DSCAML1: variants seen among roughly 807,000 people sequenced by gnomAD.
The protein encoded by DSCAML1 is cell adhesion molecule DSCAML1.
A neutral mutation model predicts 200.5 loss-of-function variants in DSCAML1; 38 were observed. The observed-to-expected ratio is 0.19, with a 90% CI of 0.15 to 0.25. The LOEUF is 0.25. Ranked by LOEUF, DSCAML1 falls within the 10% of genes least tolerant of loss-of-function variation. The pLI, the probability that DSCAML1 is intolerant of heterozygous loss-of-function variation, is 1.00. For missense variants in DSCAML1, 2,223 were observed against 2,858.8 expected, an observed-to-expected ratio of 0.78 and a Z score of 5.07; for synonymous variants, 1,215 against 1,165.0, an observed-to-expected ratio of 1.04 and a Z score of -0.87.
At chr11:117,442,987 G>C (rs1325667822) in intron 21 of DSCAML1, among the ~76,000 whole-genome samples, 1 of 152,234 alleles carries the variant, frequency 6.6e-6, no homozygotes, top group Non-Finnish European at 1.5e-5. Context: ...GATGCTGGCT[G>C]GCTCTGAGCC....
chr11:117,512,671 CACACACACACACACAT>C (rs145585146), intron 8 of DSCAML1, among the ~76,000 whole-genome samples: 8,998 of 94,480 alleles, frequency 0.095, 309 homozygotes, highest in Middle Eastern at 0.12. Flanking sequence ...CACACACACA[CACACACACACACACAT>C]GCCTGCTATG....
intron 3 of DSCAML1, among the ~76,000 whole-genome samples, chr11:117,694,084 T>C (rs866771747): frequency 7.6e-6 from 1 of 131,972 alleles, no homozygotes. Context: ...TATATACACA[T>C]ATATATATAT....
At chr11:117,461,243 T>C (rs2048477075) in intron 18 of DSCAML1, among the ~76,000 whole-genome samples, 1 of 151,216 alleles carries the variant, frequency 6.6e-6, no homozygotes, top group Non-Finnish European at 1.5e-5. Flanking sequence ...ACGGAGGTGT[T>C]CAAGTGAATC....
chr11:117,474,091 T>C (rs1200277891), intron 14 of DSCAML1, among the ~76,000 whole-genome samples: 1 of 152,112 alleles, frequency 6.6e-6, no homozygotes, highest in Non-Finnish European at 1.5e-5. Context: ...GCACTAATAT[T>C]TACCAAGCAC....
At chr11:117,737,356 C>T (rs528848684) in intron 3 of DSCAML1, among the ~76,000 whole-genome samples, 14 of 152,304 alleles carry the variant, frequency 9.2e-5, no homozygotes, top group African/African-American at 3.1e-4. Context: ...TCTGATGTTC[C>T]CAGTGGACTT....
intron 20 of DSCAML1, 116 bp downstream of exon 20, chr11:117,450,433 C>A: frequency 1.4e-6 from 2 of 1,411,790 alleles, no homozygotes; most frequent in Non-Finnish European, 1.9e-6. Flanking sequence ...ATCTATGAAT[C>A]CAGGCAGAAG....
chr11:117,712,788 C>T (rs1348231684), intron 3 of DSCAML1, among the ~76,000 whole-genome samples: 1 of 152,050 alleles, frequency 6.6e-6, no homozygotes, highest in Admixed American at 6.6e-5. Flanking sequence ...CTCGCCAGCT[C>T]CACACTCTGG....
chr11:117,691,028 C>T (rs1022236520), intron 3 of DSCAML1, among the ~76,000 whole-genome samples: 1 of 152,188 alleles, frequency 6.6e-6, no homozygotes, highest in African/African-American at 2.4e-5. Flanking sequence ...TTACAAAGGA[C>T]AGGATCTCTG....
chr11:117,450,073 TTC>T (rs2048256245), intron 20 of DSCAML1, among the ~76,000 whole-genome samples: 1 of 152,200 alleles, frequency 6.6e-6, no homozygotes, highest in Non-Finnish European at 1.5e-5. Context: ...CGCCTGTGCC[TTC>T]TCTCGGCTTT....
rs189349185 is a variant in DSCAML1, at chr11:117,780,274, A to G, written c.364+219T>C. Among the ~76,000 whole-genome samples, 2 of 95,928 alleles carry G rather than the reference A, an allele frequency of 2.1e-5. No individual in the cohort carries two copies. The highest frequency in any genetic ancestry group is 8.1e-4 in the South Asian group (2 of 2,460). 62.9% of individuals were successfully genotyped at this position (95,928 alleles called of 152,430 possible). On this transcript the variant is annotated intron_variant, in intron 2 of 32. Transcript: ENST00000651296. The surrounding 1 kb of genome is among the most constrained non-coding windows in gnomAD (Gnocchi z 4.8). ...AAAGAAAGAAAGAAAGAAAGAAAGA[A>G]AGAAAGAAAGAAAGAAAGAAAGAAA...
intron 3 of DSCAML1, among the ~76,000 whole-genome samples, chr11:117,771,569 T>C (rs1314603443): frequency 2.0e-5 from 3 of 152,128 alleles, no homozygotes; most frequent in Non-Finnish European, 4.4e-5. Flanking sequence ...TGGGCCCTCC[T>C]CCTATGTGGA....
Position 117,469,666 on chromosome 11 carries a change from C to T in DSCAML1, c.3024+244G>A, listed in dbSNP as rs553864310. On this transcript the variant is annotated intron_variant, in intron 16 of 32. Coordinates refer to ENST00000651296, the MANE Select transcript of DSCAML1 (RefSeq NM_020693.4). This position sits in a 1 kb window ranked among gnomAD's most constrained non-coding sequence, Gnocchi z 4.1. Reference sequence around the variant, plus strand: ...CCTTGGCACTGCAAGTTTTTCGTTCCACCCCAGGCAGAGCCTCCATCAGAG... The same window carrying T: ...CCTTGGCACTGCAAGTTTTTCGTTCTACCCCAGGCAGAGCCTCCATCAGAG... Among the ~76,000 whole-genome samples, 16 of 152,170 alleles carry T rather than the reference C, an allele frequency of 1.1e-4. No individual in the cohort carries two copies. The highest frequency in any genetic ancestry group is 3.6e-4 in the African/African-American group (15 of 41,520).
Position 117,776,941 on chromosome 11 carries a change from CAG to C in DSCAML1, c.365-6_365-5del, listed in dbSNP as rs751998251. The C allele has an allele frequency of 2.5e-6, 4 of 1,613,630 alleles. No homozygotes were observed. The highest frequency in any genetic ancestry group is 3.4e-6 in the Non-Finnish European group (4 of 1,179,986). The stretch of plus-strand genomic sequence containing the variant: ...ACGGTGTAGGGTTCCCTGAAAACTG[CAG>C]AGAGATTGGCAGTGGGGAAGAGAAG... On this transcript the variant is annotated splice_region_variant and splice_polypyrimidine_tract_variant and intron_variant, in intron 2 of 32. Transcript: ENST00000651296.
chr11:117,681,946 G>A (rs963995498), intron 3 of DSCAML1, among the ~76,000 whole-genome samples: 7 of 152,020 alleles, frequency 4.6e-5, no homozygotes, highest in South Asian at 2.1e-4. Context: ...CCACATCCCC[G>A]CTTGGGAACC....
In DSCAML1 at chr11:117,438,315, C is replaced by T. The variant is rs1026561834; in HGVS notation, c.4244-232G>A. ...ACACTGTGAGGGCCTGGGGTCCAGCCCCCGGCGGGTCTGACGCTGTCACTT... is the reference window on the plus strand; with the variant it reads ...ACACTGTGAGGGCCTGGGGTCCAGCTCCCGGCGGGTCTGACGCTGTCACTT... On this transcript the variant is annotated intron_variant, in intron 24 of 32. Transcript: ENST00000651296. 8.7e-5 allele frequency among the ~76,000 whole-genome samples: 9 copies of T among 103,270 alleles called. No individual in the cohort carries two copies. The South Asian group carries it at 1.0e-3, about 12-fold the overall frequency. The allele number at this position is 103,270 out of a possible 152,430, so 67.7% of individuals were successfully genotyped here. A position where few individuals can be genotyped will look rare whatever the true frequency, so the allele number is the denominator to read the frequency against.
intron 18 of DSCAML1, among the ~76,000 whole-genome samples, chr11:117,459,217 G>A (rs978477458): frequency 4.6e-5 from 7 of 152,236 alleles, no homozygotes; most frequent in African/African-American, 1.7e-4. Context: ...CATCTCTCCA[G>A]GCAACATTTC....
chr11:117,762,079 G>A (rs1312062262), intron 3 of DSCAML1, among the ~76,000 whole-genome samples: 2 of 152,082 alleles, frequency 1.3e-5, no homozygotes, highest in Middle Eastern at 3.4e-3. Flanking sequence ...TCTCCCAGTC[G>A]CACTCTGCTA....
At chr11:117,666,877 G>A (rs184289937) in intron 3 of DSCAML1, among the ~76,000 whole-genome samples, 3 of 152,306 alleles carry the variant, frequency 2.0e-5, no homozygotes, top group African/African-American at 7.2e-5. Context: ...TAGCAGATGC[G>A]TGGCACGTGG....
intron 14 of DSCAML1, among the ~76,000 whole-genome samples, chr11:117,473,937 C>T (rs2048737255): frequency 6.6e-6 from 1 of 152,098 alleles, no homozygotes; most frequent in Non-Finnish European, 1.5e-5. Flanking sequence ...CTCTCTGTGG[C>T]ATCCTGGGAG....
Sources: allele counts gnomAD v4.1 joint callset (sites outside exome capture counted in the v4.1 genomes callset), GRCh38; gene constraint gnomAD v4.1.1; non-coding constraint Gnocchi (gnomAD v3.1); transcripts MANE v1.5; gene names NCBI Gene and HGNC (gene_info 2026-07-23, HGNC 2026-07-21).